The following HS3ST4 variants were observed in gnomAD, a reference collection of about 807,000 sequenced individuals.
HS3ST4 encodes heparan sulfate-glucosamine 3-sulfotransferase 4.
Under a neutral mutation model 29.2 loss-of-function variants are expected in HS3ST4, and 17 were observed. The ratio of observed to expected loss-of-function variants is 0.58; its 90% CI spans 0.40 to 0.87. HS3ST4 has a LOEUF of 0.87. Ranked by LOEUF, HS3ST4 falls within the 40% of genes least tolerant of loss-of-function variation. The probability of loss-of-function intolerance (pLI) is 0.00; values close to 1 mark genes in which losing one functional copy is unlikely to be tolerated. For missense variants in HS3ST4, 627 were observed against 634.5 expected, an observed-to-expected ratio of 0.99 and a Z score of 0.13; for synonymous variants, 314 against 285.7, an observed-to-expected ratio of 1.10 and a Z score of -1.00.
intron 1 of HS3ST4, among the ~76,000 whole-genome samples, chr16:26,050,036 T>C (rs1225444772): frequency 1.3e-5 from 2 of 152,154 alleles, no homozygotes; most frequent in African/African-American, 4.8e-5. Context: ...CTGTATTATG[T>C]AGGCATAATT....
At chr16:26,133,586 T>G (rs1001924372) in intron 1 of HS3ST4, among the ~76,000 whole-genome samples, 1 of 152,216 alleles carries the variant, frequency 6.6e-6, no homozygotes, top group Non-Finnish European at 1.5e-5. Context: ...GCCCAACCAT[T>G]ATACTAACAA....
At chr16:25,789,115 C>T (rs756312886) in intron 1 of HS3ST4, among the ~76,000 whole-genome samples, 3 of 152,010 alleles carry the variant, frequency 2.0e-5, no homozygotes, top group African/African-American at 4.8e-5. Context: ...TCAGCTTCCT[C>T]GTCTGTGAGT....
In HS3ST4 at chr16:25,803,017, A is replaced by G. The variant is rs1238883004; in HGVS notation, c.734+109866A>G. 3.3e-5 allele frequency among the ~76,000 whole-genome samples: 5 copies of G among 151,862 alleles called. No homozygotes were observed. In the South Asian group the frequency reaches 8.3e-4, roughly 25 times the overall value. On this transcript the variant is annotated intron_variant, in intron 1 of 1. Coordinates refer to ENST00000331351, the MANE Select transcript of HS3ST4 (RefSeq NM_006040.3). Reference sequence around the variant, plus strand: ...CATATATATAGTTTTATATACATATATATTTCTCTTTCTCTGCCTCTCTTC... The same window carrying G: ...CATATATATAGTTTTATATACATATGTATTTCTCTTTCTCTGCCTCTCTTC...
rs79685626 is a variant in HS3ST4 at position 25,928,996 on chromosome 16, G to A, written c.735-206616G>A. On this transcript the variant is annotated intron_variant, in intron 1 of 1. Coordinates refer to ENST00000331351, the MANE Select transcript of HS3ST4 (RefSeq NM_006040.3). ...TTCAGGAAAGGCTTTGGTCCAAGGT[G>A]TGCAAGAGTGAACATAGGAAACACG... is the stretch of plus-strand genomic sequence containing the variant. 1.4e-3 allele frequency among the ~76,000 whole-genome samples: 214 copies of A among 152,274 alleles called. 1 individual carries two copies. Among genetic ancestry groups the A allele is most frequent in the African/African-American group, 5.0e-3 (207 of 41,552 alleles).
intron 1 of HS3ST4, among the ~76,000 whole-genome samples, chr16:25,845,981 C>T (rs771187005): frequency 2.0e-5 from 3 of 152,054 alleles, no homozygotes; most frequent in Admixed American, 6.6e-5. Flanking sequence ...GGAGTTGTCC[C>T]CTGCAAGGAA....
intron 1 of HS3ST4, among the ~76,000 whole-genome samples, chr16:25,849,675 T>G (rs1277137983): frequency 6.6e-6 from 1 of 152,022 alleles, no homozygotes; most frequent in Non-Finnish European, 1.5e-5. Flanking sequence ...CAGCTAATAT[T>G]ACGTATGTTT....
chr16:25,746,102 A>T (rs1220047149), intron 1 of HS3ST4, among the ~76,000 whole-genome samples: 2 of 152,178 alleles, frequency 1.3e-5, no homozygotes, highest in East Asian at 3.9e-4. Flanking sequence ...GTTGATTCCC[A>T]CCTCACCCTA....
Position 26,013,747 on chromosome 16 carries a change from T to C in HS3ST4, c.735-121865T>C, listed in dbSNP as rs539422343. On this transcript the variant is annotated intron_variant, in intron 1 of 1. Transcript: ENST00000331351. ...CACTCTGGCCGGGAGCGGTGGCTCA[T>C]GCCTGTAATCCCAGCACTGTGGGAG... is the stretch of plus-strand genomic sequence containing the variant. Among the ~76,000 whole-genome samples the C allele has an allele frequency of 2.2e-3, 339 of 152,290 alleles. 3 individuals are homozygous for C. Among genetic ancestry groups the C allele is most frequent in the African/African-American group, 7.3e-3 (302 of 41,580 alleles).
At chr16:25,850,365 T>A (rs1967506678) in intron 1 of HS3ST4, among the ~76,000 whole-genome samples, 1 of 152,114 alleles carries the variant, frequency 6.6e-6, no homozygotes, top group Non-Finnish European at 1.5e-5. Flanking sequence ...CCCACATCCA[T>A]CTCGACTGCC....
chr16:25,719,360 TAAG>T (rs1219178817), intron 1 of HS3ST4, among the ~76,000 whole-genome samples: 1 of 149,946 alleles, frequency 6.7e-6, no homozygotes, highest in Non-Finnish European at 1.5e-5. Flanking sequence ...TTGATCTAAA[TAAG>T]AAGACAGACA....
At chr16:26,074,919 A>G (rs576785618) in intron 1 of HS3ST4, among the ~76,000 whole-genome samples, 415 of 152,324 alleles carry the variant, frequency 2.7e-3, no homozygotes, top group Non-Finnish European at 4.3e-3. Context: ...CCGGCAAGGC[A>G]TGATGGCTCT....
intron 1 of HS3ST4, among the ~76,000 whole-genome samples, chr16:25,949,097 T>TACATATTTCGTGG: frequency 6.6e-6 from 1 of 151,816 alleles, no homozygotes; most frequent in Non-Finnish European, 1.5e-5. Context: ...ACATAGTAGG[T>TACATATTTCGTGG]GTATGTATTT....
chr16:25,828,244 C>T (rs9944337), intron 1 of HS3ST4, among the ~76,000 whole-genome samples: 6,127 of 34,746 alleles, frequency 0.18, 417 homozygotes, highest in East Asian at 0.32. Context: ...CTTTCTTTCT[C>T]TTTCTTTCTT....
At chr16:25,846,220 C>T (rs2141647279) in intron 1 of HS3ST4, among the ~76,000 whole-genome samples, 1 of 152,202 alleles carries the variant, frequency 6.6e-6, no homozygotes, top group East Asian at 1.9e-4. Context: ...GAAGTTTATG[C>T]CTAGAATGGA....
chr16:25,834,446 A>G (rs893697816), intron 1 of HS3ST4, among the ~76,000 whole-genome samples: 3 of 151,892 alleles, frequency 2.0e-5, no homozygotes, highest in Non-Finnish European at 4.4e-5. Flanking sequence ...AAGGCCCTTC[A>G]CCAATGAATT....
At chr16:25,714,410 C>T (rs1215860804) in intron 1 of HS3ST4, among the ~76,000 whole-genome samples, 1 of 152,186 alleles carries the variant, frequency 6.6e-6, no homozygotes, top group African/African-American at 2.4e-5. Context: ...GTGAACACGG[C>T]TGCTGATCCC....
intron 1 of HS3ST4, among the ~76,000 whole-genome samples, chr16:25,717,641 G>A (rs1596551843): frequency 2.0e-5 from 3 of 152,064 alleles, no homozygotes; most frequent in East Asian, 3.9e-4. Flanking sequence ...AAAGCTCAGA[G>A]TGCTGGAGCT....
chr16:25,941,347 C>T (rs771534743), intron 1 of HS3ST4, among the ~76,000 whole-genome samples: 8 of 151,728 alleles, frequency 5.3e-5, no homozygotes, highest in Non-Finnish European at 1.0e-4. Context: ...TTAGTAGAGA[C>T]GAGGTTTCTT....
chr16:25,844,676 A>G (rs952336421), intron 1 of HS3ST4, among the ~76,000 whole-genome samples: 1 of 152,218 alleles, frequency 6.6e-6, no homozygotes, highest in African/African-American at 2.4e-5. Flanking sequence ...CAGAAATACC[A>G]TTTGACCCAG....
Sources: allele counts gnomAD v4.1 joint callset (sites outside exome capture counted in the v4.1 genomes callset), GRCh38; gene constraint gnomAD v4.1.1; transcripts MANE v1.5; gene names NCBI Gene and HGNC (gene_info 2026-07-23, HGNC 2026-07-21).